Variants in HHATL observed in about 807,000 individuals in gnomAD.
HHATL encodes the protein protein-cysteine N-palmitoyltransferase HHAT-like protein.
In HHATL, 49 loss-of-function variants were observed where a neutral mutation model predicts 59.7. The observed-to-expected ratio is 0.82, with a 90% confidence interval of 0.65 to 1.04. HHATL has a LOEUF of 1.04. Among genes scored for constraint, HHATL ranks in the 50% least tolerant of loss-of-function variants. The probability of loss-of-function intolerance (pLI) is 0.00; values close to 1 mark genes in which losing one functional copy is unlikely to be tolerated. For synonymous variants in HHATL, 238 were observed against 257.3 expected, an observed-to-expected ratio of 0.93 and a Z score of 0.72; for missense variants, 605 against 650.8, an observed-to-expected ratio of 0.93 and a Z score of 0.77.
chr3:42,693,463 T>C (rs1235462588), intron 10 of HHATL, 154 bp downstream of exon 10: 1 of 780,854 alleles, frequency 1.3e-6, no homozygotes, highest in African/African-American at 1.7e-5. Context: ...AGGGGCAGAT[T>C]CCTACAGAGT....
intron 6 of HHATL, among the ~76,000 whole-genome samples, chr3:42,697,917 G>C (rs1471422568): frequency 6.6e-6 from 1 of 152,194 alleles, no homozygotes; most frequent in African/African-American, 2.4e-5. Flanking sequence ...TGGCCTGGGA[G>C]TCCTGTCTGA....
chr3:42,700,704 C>A lies in HHATL; in HGVS notation c.106+17G>T. The A allele has an allele frequency of 6.3e-7, 1 of 1,575,556 alleles. No homozygotes were observed. Among genetic ancestry groups the A allele is most frequent in the Non-Finnish European group, 8.7e-7 (1 of 1,147,490 alleles). On this transcript the variant is annotated intron_variant, in intron 2 of 11. Coordinates refer to ENST00000441594, the MANE Select transcript of HHATL (RefSeq NM_020707.4). ...GAAGAAGGGTCCTGTCCACCTGCCC[C>A]GGGGCACAGCCATTACCTTGTGAAG...
chr3:42,700,311 G>T (rs1435393052), intron 2 of HHATL, among the ~76,000 whole-genome samples: 30 of 89,526 alleles, frequency 3.4e-4, no homozygotes, highest in Admixed American at 7.2e-4. Flanking sequence ...TGTGTTGGGG[G>T]GTGTGTGTAT....
chr3:42,699,578 C>T (rs1348452727), intron 3 of HHATL, among the ~76,000 whole-genome samples, 180 bp downstream of exon 3: 2 of 152,138 alleles, frequency 1.3e-5, no homozygotes, highest in Non-Finnish European at 1.5e-5. Flanking sequence ...GAGCAGGGCC[C>T]GGGCAAACTT....
Position 42,701,072 on chromosome 3 carries a change from C to T in HHATL, c.-13-233G>A. 1 of 517,378 alleles carries T rather than the reference C, an allele frequency of 1.9e-6. No homozygotes were observed. The highest frequency in any genetic ancestry group is 3.5e-6 in the Non-Finnish European group (1 of 287,188). 32.0% of individuals were successfully genotyped at this position (517,378 alleles called of 1,614,324 possible). ...TGCCCCCACCCCACCCATCAAGGCT[C>T]TTGCCCGCAGAGCCCTCACTCGCAG... On this transcript the variant is annotated intron_variant, in intron 1 of 11. Transcript: ENST00000441594. The surrounding 1 kb of genome is among the most constrained non-coding windows in gnomAD (Gnocchi z 5.1).
chr3:42,693,467 A>G (rs1317159387), intron 10 of HHATL, 150 bp downstream of exon 10: 7 of 799,594 alleles, frequency 8.8e-6, no homozygotes, highest in Admixed American at 7.4e-5. Context: ...GCAGATTCCT[A>G]CAGAGTGAGC....
At chr3:42,697,362 A>G in intron 7 of HHATL, 146 bp downstream of exon 7, 2 of 1,067,132 alleles carry the variant, frequency 1.9e-6, no homozygotes, top group East Asian at 2.4e-5. Flanking sequence ...AGACCCATGC[A>G]TTAGAAAGAA....
At position 42,692,830 on chromosome 3, in the gene HHATL, C is replaced by T. The variant is rs1697407170; in HGVS notation, c.1436G>A (p.Gly479Asp). ...CTCACGCTCCTTTACCAGCTGGACGCCACAGTAGGTGACAAACAGGATGGA... is the reference window on the plus strand; with the variant it reads ...CTCACGCTCCTTTACCAGCTGGACGTCACAGTAGGTGACAAACAGGATGGA... ...TLSILFVTYC[G>D]VQLVKERERT... is the part of the protein sequence containing the mutation. Residue 479 changes from glycine to aspartate, a missense_variant, in exon 12 of 12, where the codon GGC becomes GAC. Physicochemically the swap from Gly to Asp is moderately conservative, Grantham distance 94. Transcript: ENST00000441594. 1 of 1,614,226 alleles carries T rather than the reference C, an allele frequency of 6.2e-7. No individual in the cohort carries two copies. The highest frequency in any genetic ancestry group is 8.5e-7 in the Non-Finnish European group (1 of 1,180,050).
chr3:42,696,981 C>G lies in HHATL; in HGVS notation c.1010+20G>C, dbSNP rs901719681. ...TGTGGTCCCAGGGGGTGAGCCTCCCCCGTCCTGGCCAGCACTCACGTTTCC... is the reference window on the plus strand; with the variant it reads ...TGTGGTCCCAGGGGGTGAGCCTCCCGCGTCCTGGCCAGCACTCACGTTTCC... On this transcript the variant is annotated intron_variant, in intron 8 of 11. Coordinates refer to ENST00000441594, the MANE Select transcript of HHATL (RefSeq NM_020707.4). 2.5e-6 allele frequency: 4 copies of G among 1,611,232 alleles called. No individual in the cohort carries two copies. In the African/African-American group the frequency reaches 5.3e-5, roughly 22 times the overall value.
chr3:42,694,170 C>G (rs1021569440), intron 9 of HHATL: 4 of 284,908 alleles, frequency 1.4e-5, no homozygotes, highest in Non-Finnish European at 2.7e-5. Flanking sequence ...TGACAGATTC[C>G]CCTATCCCTG....
At position 42,701,719 on chromosome 3, in the gene HHATL, G is replaced by A. The variant is rs370943279; in HGVS notation, c.-14+860C>T. 2.6e-5 allele frequency among the ~76,000 whole-genome samples: 4 copies of A among 152,230 alleles called. No individual in the cohort carries two copies. The highest frequency in any genetic ancestry group is 4.4e-5 in the Non-Finnish European group (3 of 68,036). ...CTGGAGAACTGCTGGGCCGTACTAC[G>A]GCTCAGCTAGCACCTTTACCCTTCC... is the stretch of plus-strand genomic sequence containing the variant. On this transcript the variant is annotated intron_variant, in intron 1 of 11. Transcript: ENST00000441594. The surrounding 1 kb of genome is among the most constrained non-coding windows in gnomAD (Gnocchi z 5.1).
rs1297847523 is a variant in HHATL, at chr3:42,700,842, G to A, written c.-13-3C>T. The A allele has an allele frequency of 1.9e-6, 3 of 1,594,438 alleles. No individual in the cohort carries two copies. The Admixed American group carries it at 5.0e-5, about 27-fold the overall frequency. ...TGATGCCCATAGCCTGGACAGGGCT[G>A]GGGAGACAGGTTGGGTGAGGGAATT... On this transcript the variant is annotated splice_region_variant and splice_polypyrimidine_tract_variant and intron_variant, in intron 1 of 11. Coordinates refer to ENST00000441594, the MANE Select transcript of HHATL (RefSeq NM_020707.4).
chr3:42,698,838 T>A lies in HHATL; in HGVS notation c.353A>T (p.Tyr118Phe). 1.2e-6 allele frequency: 2 copies of A among 1,613,580 alleles called. No individual in the cohort carries two copies. Among genetic ancestry groups the A allele is most frequent in the Non-Finnish European group, 1.7e-6 (2 of 1,179,772 alleles). ...ACAGTGACCAAGCAGCAGCAGCAGGTACCAAGGGCCCATTGTGCCCATCAC... is the reference window on the plus strand; with the variant it reads ...ACAGTGACCAAGCAGCAGCAGCAGGAACCAAGGGCCCATTGTGCCCATCAC... Reference protein sequence around the residue: ...LAVMGTMGPWYLLLLLGHCVG... With the variant: ...LAVMGTMGPWFLLLLLGHCVG... The change falls in exon 5 of 12, where the codon TAC becomes TTC. Residue 118 changes from tyrosine to phenylalanine, a missense_variant. Transcript: ENST00000441594.
Position 42,702,561 on chromosome 3 carries a change from TC to T in HHATL, c.-14+17del. 1 of 152,540 alleles carries T rather than the reference TC, an allele frequency of 6.6e-6. No individual in the cohort carries two copies. Among genetic ancestry groups the T allele is most frequent in the African/African-American group, 2.4e-5 (1 of 41,580 alleles). The allele number at this position is 152,540 out of a possible 1,614,324, so 9.4% of individuals were successfully genotyped here. ...TCTCAAGAGCCCCAGAGTAGCTGCA[TC>T]CCCAGCTGGCACTGACCTTGAGGAG... is the stretch of plus-strand genomic sequence containing the variant. On this transcript the variant is annotated intron_variant, in intron 1 of 11. Coordinates refer to ENST00000441594, the MANE Select transcript of HHATL (RefSeq NM_020707.4).
rs1697689333 is a variant in HHATL at position 42,697,586 on chromosome 3, T to C, written c.787A>G (p.Ile263Val). ...LSVVAIMAVD[I>V]FFHFFYILTI... ...AGGATGTAGAAGAAGTGAAAGAAGA[T>C]GTCGACGGCCATGATGGCCACCACG... The change falls in exon 7 of 12, where the codon ATC (isoleucine) becomes GTC (valine). Residue 263 changes from isoleucine (I) to valine (V), a missense_variant. Ile to Val is a conservative substitution (Grantham distance 29, BLOSUM62 3). Transcript: ENST00000441594. The C allele has an allele frequency of 6.2e-7, 1 of 1,613,984 alleles. No homozygotes were observed. Among genetic ancestry groups the C allele is most frequent in the Non-Finnish European group, 8.5e-7 (1 of 1,179,988 alleles).
At chr3:42,699,492 A>G (rs1020871190) in intron 3 of HHATL, among the ~76,000 whole-genome samples, 1 of 151,628 alleles carries the variant, frequency 6.6e-6, no homozygotes, top group Non-Finnish European at 1.5e-5. Flanking sequence ...TTCCCCCTTT[A>G]CTGCTTTGTT....
chr3:42,698,038 G>C, intron 6 of HHATL, 104 bp downstream of exon 6: 1 of 1,187,878 alleles, frequency 8.4e-7, no homozygotes, highest in Admixed American at 1.9e-5. Context: ...TCATGCCTGA[G>C]GATGGGGATA....
intron 10 of HHATL, 117 bp downstream of exon 10, chr3:42,693,500 G>T: frequency 1.1e-6 from 1 of 901,484 alleles, no homozygotes; most frequent in Non-Finnish European, 1.7e-6. Flanking sequence ...AACTAAGAGG[G>T]TGGTGGTGAG....
intron 9 of HHATL, among the ~76,000 whole-genome samples, chr3:42,694,735 G>A (rs1366313978): frequency 6.6e-6 from 1 of 152,004 alleles, no homozygotes; most frequent in African/African-American, 2.4e-5. Context: ...CCCTCTACCT[G>A]GTATTCTCTG....
Sources: gnomAD v4.1 joint callset for allele counts (sites outside exome capture counted in the v4.1 genomes callset) on GRCh38, gnomAD v4.1.1 for gene constraint, Gnocchi (gnomAD v3.1) non-coding constraint, MANE v1.5 for transcripts, NCBI Gene and HGNC (gene_info 2026-07-23, HGNC 2026-07-21) for gene names.